The following ABCA8 variants were observed in gnomAD, a reference collection of about 807,000 sequenced individuals.
The protein encoded by ABCA8 is ATP binding cassette subfamily A member 8.
A neutral mutation model predicts 192.3 loss-of-function variants in ABCA8; 177 were observed. The observed-to-expected ratio is 0.92, with a 90% CI of 0.81 to 1.04. The LOEUF is 1.04. Among genes scored for constraint, ABCA8 ranks in the 50% least tolerant of loss-of-function variants. The probability of loss-of-function intolerance (pLI) is 0.00; values close to 1 mark genes in which losing one functional copy is unlikely to be tolerated. For missense variants in ABCA8, 1,915 were observed against 1,904.8 expected, an observed-to-expected ratio of 1.01 and a Z score of -0.10; for synonymous variants, 642 against 690.2, an observed-to-expected ratio of 0.93 and a Z score of 1.09.
At chr17:68,946,969 C>CAG (rs1367235504) in intron 2 of ABCA8, among the ~76,000 whole-genome samples, 2 of 142,694 alleles carry the variant, frequency 1.4e-5, no homozygotes, top group African/African-American at 5.4e-5. Context: ...GAGAGAGAGA[C>CAG]AGAGAGAGAG....
chr17:68,941,940 A>G lies in ABCA8; in HGVS notation c.95T>C (p.Met32Thr). Residue 32 changes from methionine to threonine, a missense_variant and splice_region_variant, in exon 3 of 40, where the codon ATG becomes ACG. Transcript: ENST00000586539. The part of the protein sequence containing the change: ...KKWRMKRESL[M>T]EWLNSLLLLL... ...AATAACACGGATATTGAGTCATACCATTAAGGACTCTCTTTTCATTCTCCA... is the reference window on the plus strand; with the variant it reads ...AATAACACGGATATTGAGTCATACCGTTAAGGACTCTCTTTTCATTCTCCA... The G allele has an allele frequency of 6.2e-7, 1 of 1,600,148 alleles. No homozygotes were observed. The highest frequency in any genetic ancestry group is 1.3e-5 in the African/African-American group (1 of 74,658).
At chr17:68,948,585 T>A (rs1336235337) in intron 2 of ABCA8, among the ~76,000 whole-genome samples, 1 of 152,174 alleles carries the variant, frequency 6.6e-6, no homozygotes, top group Non-Finnish European at 1.5e-5. Flanking sequence ...CACTTTTTGA[T>A]GGGATTGTTT....
At chr17:68,883,131 T>A (rs1037315709) in intron 29 of ABCA8, among the ~76,000 whole-genome samples, 1 of 152,216 alleles carries the variant, frequency 6.6e-6, no homozygotes, top group Non-Finnish European at 1.5e-5. Flanking sequence ...CTCTCCATTC[T>A]AAGTCTGATA....
At chr17:68,892,445 G>A (rs533083434) in intron 23 of ABCA8, among the ~76,000 whole-genome samples, 2 of 152,256 alleles carry the variant, frequency 1.3e-5, no homozygotes, top group East Asian at 1.9e-4. Flanking sequence ...GACTTTGCGG[G>A]CAATGAGCAG....
intron 11 of ABCA8, 104 bp from the exon 12 acceptor site, chr17:68,922,404 A>T: frequency 7.4e-6 from 6 of 806,190 alleles, no homozygotes; most frequent in Non-Finnish European, 1.1e-5. Context: ...ATACATGAAG[A>T]TCTGGGTCTT....
At chr17:68,917,987 T>C in intron 16 of ABCA8, 60 bp downstream of exon 16, 3 of 1,581,612 alleles carry the variant, frequency 1.9e-6, no homozygotes, top group Non-Finnish European at 2.6e-6. Flanking sequence ...CAGAGACCAA[T>C]CCATATTTTT....
At chr17:68,946,945 AAGAG>A (rs60347168) in intron 2 of ABCA8, among the ~76,000 whole-genome samples, 75,874 of 150,008 alleles carry the variant, frequency 0.51, 19,461 homozygotes, top group Middle Eastern at 0.59. Context: ...CATCAAAAGA[AAGAG>A]AGAGAGAGAG....
intron 23 of ABCA8, among the ~76,000 whole-genome samples, chr17:68,891,913 T>C (rs943361718): frequency 4.6e-5 from 7 of 152,248 alleles, no homozygotes. Context: ...TCACAGTTGA[T>C]ACATTCAATT....
At chr17:68,931,919 G>C (rs139750037) in intron 7 of ABCA8, 13 of 173,758 alleles carry the variant, frequency 7.5e-5, no homozygotes, top group South Asian at 6.9e-4. Flanking sequence ...TAATAAAGAC[G>C]CATTGAAGAG....
At chr17:68,934,830 T>C (rs981527993) in intron 5 of ABCA8, among the ~76,000 whole-genome samples, 1 of 152,222 alleles carries the variant, frequency 6.6e-6, no homozygotes, top group African/African-American at 2.4e-5. Context: ...ATTGTTCTAT[T>C]TGCTAATTTT....
intron 2 of ABCA8, among the ~76,000 whole-genome samples, chr17:68,948,493 T>A (rs2068477197): frequency 6.6e-6 from 1 of 152,236 alleles, no homozygotes; most frequent in Non-Finnish European, 1.5e-5. Flanking sequence ...TCTCTAGTGA[T>A]CAGTGGTGAT....
chr17:68,881,335 C>G (rs967893217), intron 31 of ABCA8, 124 bp from the exon 32 acceptor site: 19 of 693,704 alleles, frequency 2.7e-5, no homozygotes, highest in Non-Finnish European at 4.6e-5. Context: ...TCACAACCAC[C>G]CTGAGAAGTT....
At chr17:68,886,037 G>A (rs2066452232) in intron 26 of ABCA8, among the ~76,000 whole-genome samples, 1 of 152,110 alleles carries the variant, frequency 6.6e-6, no homozygotes, top group Non-Finnish European at 1.5e-5. Flanking sequence ...TTAAGCAGAA[G>A]TACTAAAATA....
Position 68,903,340 on chromosome 17 carries a change from A to G in ABCA8, c.2558T>C (p.Leu853Ser), listed in dbSNP as rs201620955. ...QQICAIARVR[L>S]LKLKHERKAL... is the part of the protein sequence containing the mutation. The stretch of plus-strand genomic sequence containing the variant: ...TTTTCTTTCATGCTTTAACTTTAAC[A>G]AGCGAACCCTTGCAATTGCGCAGAT... The change falls in exon 20 of 40, where the codon TTG becomes TCG. Residue 853 changes from leucine to serine, a missense_variant. Physicochemically the swap from Leu to Ser is moderately radical, Grantham distance 145. Coordinates refer to ENST00000586539, the MANE Select transcript of ABCA8 (RefSeq NM_001288985.2). 3.7e-6 allele frequency: 6 copies of G among 1,614,182 alleles called. No homozygotes were observed. Among genetic ancestry groups the G allele is most frequent in the Non-Finnish European group, 4.2e-6 (5 of 1,180,022 alleles).
intron 24 of ABCA8, among the ~76,000 whole-genome samples, chr17:68,889,496 A>G (rs1446390303): frequency 6.6e-6 from 1 of 152,184 alleles, no homozygotes; most frequent in Non-Finnish European, 1.5e-5. Context: ...AAGTTCTCGC[A>G]TTTCCAAAAA....
At chr17:68,893,747 T>C (rs1236675516) in intron 23 of ABCA8, among the ~76,000 whole-genome samples, 4 of 150,702 alleles carry the variant, frequency 2.7e-5, no homozygotes, top group African/African-American at 9.7e-5. Context: ...TTTTCTTTTT[T>C]TATTATACTT....
At chr17:68,935,056 G>T (rs2068016730) in intron 5 of ABCA8, among the ~76,000 whole-genome samples, 2 of 144,180 alleles carry the variant, frequency 1.4e-5, no homozygotes, top group Admixed American at 6.9e-5. Flanking sequence ...TTTTTTGTTA[G>T]ATTTTTCTGT....
intron 23 of ABCA8, among the ~76,000 whole-genome samples, chr17:68,893,669 T>C: frequency 6.6e-6 from 1 of 151,874 alleles, no homozygotes; most frequent in East Asian, 1.9e-4. Flanking sequence ...TGTTCACTAT[T>C]CTTGTGCTGG....
Position 68,940,817 on chromosome 17 carries a change from G to T in ABCA8, c.242C>A (p.Pro81His). 1 of 1,613,582 alleles carries T rather than the reference G, an allele frequency of 6.2e-7. No individual in the cohort carries two copies. Among genetic ancestry groups the T allele is most frequent in the African/African-American group, 1.3e-5 (1 of 75,028 alleles). Residue 81 changes from proline to histidine, a missense_variant, in exon 4 of 40, where the codon CCT (proline) becomes CAT (histidine). Physicochemically the swap from Pro to His is moderately conservative, Grantham distance 77 (BLOSUM62 -2). Coordinates refer to ENST00000586539, the MANE Select transcript of ABCA8 (RefSeq NM_001288985.2). ...TATCTGTTGGGTCGTGTTGGTGACA[G>T]GTGTGTATACAACAGAAAATCTGGA... ...NESRFSVVYT[P>H]VTNTTQQIMN... is the part of the protein sequence containing the mutation.
Sources: allele counts gnomAD v4.1 joint callset (sites outside exome capture counted in the v4.1 genomes callset), GRCh38; gene constraint gnomAD v4.1.1; transcripts MANE v1.5; gene names NCBI Gene and HGNC (gene_info 2026-07-23, HGNC 2026-07-21).